PTPRB: variants seen among roughly 807,000 people sequenced by gnomAD.
PTPRB encodes the protein protein tyrosine phosphatase receptor type B.
PTPRB carries 97 observed loss-of-function variants against 238.1 expected under a neutral mutation model. The ratio of observed to expected loss-of-function variants is 0.41; its 90% CI spans 0.35 to 0.48. PTPRB has a LOEUF of 0.48. PTPRB is among the 20% of genes least tolerant of loss of function. The probability of loss-of-function intolerance (pLI) is 0.30; values close to 1 mark genes in which losing one functional copy is unlikely to be tolerated. For synonymous variants in PTPRB, 970 were observed against 995.4 expected (o/e 0.97, Z 0.48); for missense variants, 2,292 against 2,681.9 (o/e 0.85, Z 3.21).
chr12:70,590,590 C>CTTTTTTTTTTTTTTTT (rs34092195), intron 7 of PTPRB, among the ~76,000 whole-genome samples: 1 of 106,008 alleles, frequency 9.4e-6, no homozygotes, highest in African/African-American at 3.3e-5. Context: ...AGATTAAGTT[C>CTTTTTTTTTTTTTTTT]TTTTTTTTTT....
At chr12:70,611,838 T>C (rs1884467628) in intron 3 of PTPRB, among the ~76,000 whole-genome samples, 1 of 152,138 alleles carries the variant, frequency 6.6e-6, no homozygotes, top group African/African-American at 2.4e-5. Context: ...ACTTTTACTC[T>C]GTATTTTGTG....
intron 2 of PTPRB, among the ~76,000 whole-genome samples, chr12:70,625,852 T>C (rs756412311): frequency 1.3e-5 from 2 of 152,178 alleles, no homozygotes; most frequent in Admixed American, 6.5e-5. Flanking sequence ...AGGTCGACCA[T>C]TCTTGGTCAA....
At chr12:70,556,794 G>A (rs1028165297) in intron 18 of PTPRB, among the ~76,000 whole-genome samples, 1 of 152,140 alleles carries the variant, frequency 6.6e-6, no homozygotes, top group African/African-American at 2.4e-5. Flanking sequence ...TACATATAGA[G>A]AAGCAAAGTT....
At chr12:70,531,300 C>A (rs1873201659) in intron 32 of PTPRB, among the ~76,000 whole-genome samples, 1 of 144,936 alleles carries the variant, frequency 6.9e-6, no homozygotes, top group Admixed American at 6.8e-5. Context: ...ACTTTTCCAA[C>A]CATGGATTTT....
intron 10 of PTPRB, among the ~76,000 whole-genome samples, chr12:70,577,385 A>G (rs1179722932): frequency 6.6e-6 from 1 of 152,202 alleles, no homozygotes; most frequent in Non-Finnish European, 1.5e-5. Flanking sequence ...CTGAGAACCT[A>G]CTATTTGCCA....
At position 70,590,320 on chromosome 12, in the gene PTPRB, G is replaced by A. The variant is rs556077402; in HGVS notation, c.1781-87C>T. On this transcript the variant is annotated intron_variant, in intron 7 of 33. Transcript: ENST00000334414. ...ACTTTTCTTGGGCAGCAGTAGATAG[G>A]AGACACAATATCTGCAGTTCAAAAC... 1.6e-5 allele frequency: 21 copies of A among 1,325,176 alleles called. No homozygotes were observed. In the Admixed American group the frequency reaches 3.0e-4, roughly 19 times the overall value. The allele number at this position is 1,325,176 out of a possible 1,614,324, so 82.1% of individuals were successfully genotyped here. A position where few individuals can be genotyped will look rare whatever the true frequency, so the allele number is the denominator to read the frequency against.
chr12:70,581,124 A>G lies in PTPRB; in HGVS notation c.2490T>C (p.Ser830=). The change falls in exon 10 of 34, where the codon TCT becomes TCC. Residue 830 remains serine, a synonymous_variant. Transcript: ENST00000334414. ...SSETSRYSFH[S]LKSGSLYSVV... is the part of the protein sequence containing the mutation. ...CGGAGTACAGGCTGCCGGACTTGAG[A>G]GAGTGGAAGCTGTATCTGCTGGTCT... The G allele has an allele frequency of 4.3e-6, 7 of 1,613,942 alleles. No individual in the cohort carries two copies. Among genetic ancestry groups the G allele is most frequent in the Non-Finnish European group, 5.1e-6 (6 of 1,179,896 alleles).
intron 21 of PTPRB, among the ~76,000 whole-genome samples, chr12:70,547,101 G>T (rs1282766880): frequency 1.3e-5 from 2 of 151,648 alleles, no homozygotes; most frequent in Non-Finnish European, 2.9e-5. Flanking sequence ...GCGGTACTAG[G>T]CCAGGGCAAA....
Position 70,560,889 on chromosome 12 carries a change from G to A in PTPRB, c.4214C>T (p.Thr1405Ile). The change falls in exon 17 of 34, where the codon ACA becomes ATA. Residue 1405 changes from threonine (T) to isoleucine (I), a missense_variant. This residue lies in a region of PTPRB where 683 missense variants were observed against 862.0 expected (regional missense o/e 0.79). Coordinates refer to ENST00000334414, the MANE Select transcript of PTPRB (RefSeq NM_001109754.4). The surrounding 1 kb of genome is among the most constrained non-coding windows in gnomAD (Gnocchi z 4.2). ...ACTCCAGTTGAACCAAAGGCTGTCT[G>A]TCGTGTTCCGATTGGACCCCCTGAG... is the stretch of plus-strand genomic sequence containing the variant. ...SHLRGSNRNT[T>I]DSLWFNWSPA... The A allele has an allele frequency of 1.2e-6, 2 of 1,613,602 alleles. No homozygotes were observed. The highest frequency in any genetic ancestry group is 1.7e-6 in the Non-Finnish European group (2 of 1,179,536).
chr12:70,585,044 T>G (rs1292603917), intron 9 of PTPRB: 2 of 148,256 alleles, frequency 1.3e-5, no homozygotes, highest in Non-Finnish European at 3.0e-5. Context: ...TCATGCAACC[T>G]CCACCTCCTG....
At chr12:70,616,293 A>G (rs903594676) in intron 3 of PTPRB, among the ~76,000 whole-genome samples, 1 of 152,126 alleles carries the variant, frequency 6.6e-6, no homozygotes. Flanking sequence ...TAAAATGACC[A>G]TTCTGACATT....
At chr12:70,569,402 C>G (rs1190518085) in intron 14 of PTPRB, among the ~76,000 whole-genome samples, 1 of 152,102 alleles carries the variant, frequency 6.6e-6, no homozygotes, top group African/African-American at 2.4e-5. Context: ...CTGTGCCCAG[C>G]CTGCTTGTTA....
chr12:70,618,163 G>A (rs531731598), intron 3 of PTPRB, among the ~76,000 whole-genome samples: 5 of 152,212 alleles, frequency 3.3e-5, no homozygotes, highest in Admixed American at 6.5e-5. Context: ...GCAGGGGCAT[G>A]ATCACAGCTC....
chr12:70,613,106 C>T lies in PTPRB; in HGVS notation c.709-3767G>A, dbSNP rs71454285. 2.9e-3 allele frequency among the ~76,000 whole-genome samples: 447 copies of T among 152,126 alleles called. 3 individuals carry two copies. Among genetic ancestry groups the T allele is most frequent in the Non-Finnish European group, 5.2e-3 (351 of 67,982 alleles). On this transcript the variant is annotated intron_variant, in intron 3 of 33. Transcript: ENST00000334414. ...GGTCTGGGAGCCACTGTTTGAGAACCGTTACTTTGGACAGGGGTTTGAACT... is the reference window on the plus strand; with the variant it reads ...GGTCTGGGAGCCACTGTTTGAGAACTGTTACTTTGGACAGGGGTTTGAACT...
intron 2 of PTPRB, among the ~76,000 whole-genome samples, chr12:70,626,080 T>G (rs374769649): frequency 5.4e-4 from 82 of 152,242 alleles, no homozygotes; most frequent in African/African-American, 1.9e-3. Context: ...AAGTTTCCCT[T>G]CTTTAAATGA....
chr12:70,586,859 G>A, intron 9 of PTPRB, 148 bp downstream of exon 9: 1 of 804,226 alleles, frequency 1.2e-6, no homozygotes, highest in South Asian at 1.9e-5. Context: ...ACTGCAATTG[G>A]TAAAATAGAA....
At chr12:70,538,642 TGTTAA>T in intron 27 of PTPRB, 1 of 500,752 alleles carries the variant, frequency 2.0e-6, no homozygotes, top group Admixed American at 3.3e-5. Flanking sequence ...GAGCCCTTGC[TGTTAA>T]CCCCATTTAC....
chr12:70,523,767 G>T (rs34144015), intron 33 of PTPRB, among the ~76,000 whole-genome samples: 23,652 of 151,998 alleles, frequency 0.16, 2,162 homozygotes, highest in Non-Finnish European at 0.22. Flanking sequence ...ATGGTTTCCA[G>T]AATCTTTTTC....
rs745473495 is a variant in PTPRB at position 70,559,482 on chromosome 12, G to A, written c.4575C>T (p.Asn1525=). 2.5e-6 allele frequency: 4 copies of A among 1,613,980 alleles called. No homozygotes were observed. Among genetic ancestry groups the A allele is most frequent in the East Asian group, 4.5e-5 (2 of 44,876 alleles). ...CTTCTGATTTTCTGTTGTTGTAGGG[G>A]TTGAAGACAGTAAGTGCATCTCTGG... ...WLPRDALTVF[N]PYNNRKSEGR... The change falls in exon 18 of 34, where the codon AAC becomes AAT. Residue 1525 remains asparagine (N), a synonymous_variant. Transcript: ENST00000334414.
Sources: gnomAD v4.1 joint callset for allele counts (sites outside exome capture counted in the v4.1 genomes callset) on GRCh38, gnomAD v4.1.1 for gene constraint, gnomAD v4.1.1 regional missense constraint, Gnocchi (gnomAD v3.1) non-coding constraint, MANE v1.5 for transcripts, NCBI Gene and HGNC (gene_info 2026-07-23, HGNC 2026-07-21) for gene names.